The following MTMR3 variants were observed in gnomAD, a reference collection of about 807,000 sequenced individuals.
MTMR3 encodes myotubularin related protein 3, also known as phosphatidylinositol-3,5-bisphosphate 3-phosphatase MTMR3.
Under a neutral mutation model 132.4 loss-of-function variants are expected in MTMR3, and 32 were observed. The ratio of observed to expected loss-of-function variants is 0.24; its 90% CI spans 0.18 to 0.32. The LOEUF is 0.32. Ranked by LOEUF, MTMR3 falls within the 10% of genes least tolerant of loss-of-function variation. The pLI, the probability that MTMR3 is intolerant of heterozygous loss-of-function variation, is 1.00. For missense variants in MTMR3, 1,216 were observed against 1,489.6 expected, an observed-to-expected ratio of 0.82 and a Z score of 3.02; for synonymous variants, 556 against 550.3, an observed-to-expected ratio of 1.01 and a Z score of -0.14.
In MTMR3 at chr22:30,020,786, G is replaced by A. The variant is rs1569055244; in HGVS notation, c.3127G>A (p.Glu1043Lys). The A allele has an allele frequency of 6.2e-7, 1 of 1,614,080 alleles. No homozygotes were observed. ...TGAGTCAGGCCACCAGCAGGAAGTA[G>A]AAACTTTGAAGAAACAAGTCCAGGA... Reference protein sequence around the residue: ...QIESGHQQEVETLKKQVQELK... With the variant: ...QIESGHQQEVKTLKKQVQELK... The change falls in exon 17 of 20, where the codon GAA (glutamate) becomes AAA (lysine). Residue 1043 changes from glutamate to lysine, a missense_variant. Physicochemically the swap from Glu to Lys is moderately conservative, Grantham distance 56. This residue lies in a region of MTMR3 where 852 missense variants were observed against 852.0 expected (regional missense o/e 1.00). Transcript: ENST00000401950.
At chr22:29,895,463 G>T (rs1364360732) in intron 1 of MTMR3, among the ~76,000 whole-genome samples, 1 of 152,186 alleles carries the variant, frequency 6.6e-6, no homozygotes, top group Non-Finnish European at 1.5e-5. Context: ...CATCCTGCTG[G>T]TTGTGGAAGC....
intron 1 of MTMR3, among the ~76,000 whole-genome samples, chr22:29,937,821 G>A (rs560614247): frequency 6.6e-6 from 1 of 152,100 alleles, no homozygotes; most frequent in Non-Finnish European, 1.5e-5. Flanking sequence ...AAATGATGGA[G>A]CAAACTTTCA....
chr22:29,958,672 C>T (rs561368193), intron 2 of MTMR3, among the ~76,000 whole-genome samples: 1 of 152,262 alleles, frequency 6.6e-6, no homozygotes, highest in Admixed American at 6.5e-5. Context: ...CTGCTTTTTG[C>T]ATTACCATGG....
intron 6 of MTMR3, chr22:29,989,196 G>T (rs73398664): frequency 0.032 from 4,943 of 152,318 alleles, 282 homozygotes; most frequent in African/African-American, 0.11. Context: ...TGACTCTGTA[G>T]CCTTCTTTAA....
chr22:29,989,948 A>AG (rs1281569189), intron 6 of MTMR3: 2 of 152,206 alleles, frequency 1.3e-5, no homozygotes, highest in Non-Finnish European at 2.9e-5. Context: ...TAATGGTTGC[A>AG]GGCTGGGTGT....
chr22:30,011,398 T>C (rs557464585), intron 12 of MTMR3: 2 of 149,648 alleles, frequency 1.3e-5, no homozygotes, highest in South Asian at 4.1e-4. Context: ...AGTCTCTCTC[T>C]CTCATCCATG....
chr22:29,978,437 T>G lies in MTMR3; in HGVS notation c.4-5T>G. ...AAATTATTTTAAGGTTTTGGACTTTTCCAGGATGAAGAGACTCGGCACAGC... is the reference window on the plus strand; with the variant it reads ...AAATTATTTTAAGGTTTTGGACTTTGCCAGGATGAAGAGACTCGGCACAGC... On this transcript the variant is annotated splice_region_variant and splice_polypyrimidine_tract_variant and intron_variant, in intron 3 of 19. Transcript: ENST00000401950. 1 of 1,607,228 alleles carries G rather than the reference T, an allele frequency of 6.2e-7. No individual in the cohort carries two copies. Among genetic ancestry groups the G allele is most frequent in the Non-Finnish European group, 8.5e-7 (1 of 1,175,720 alleles).
intron 1 of MTMR3, among the ~76,000 whole-genome samples, chr22:29,904,044 TG>T (rs996813939): frequency 1.3e-5 from 2 of 152,206 alleles, no homozygotes; most frequent in Non-Finnish European, 2.9e-5. Context: ...GGTTAACCGT[TG>T]GTCTTCTATA....
intron 18 of MTMR3, 165 bp from the exon 19 acceptor site, chr22:30,022,444 A>T: frequency 1.5e-6 from 1 of 654,114 alleles, no homozygotes. Context: ...CCCTCCAGGG[A>T]AACGATTTGG....
At chr22:30,017,758 G>A (rs1318833785) in intron 15 of MTMR3, 169 bp from the exon 16 acceptor site, 5 of 715,642 alleles carry the variant, frequency 7.0e-6, no homozygotes, top group South Asian at 2.0e-5. Context: ...GTCTAGTCCT[G>A]TATTGGTCCT....
chr22:29,928,514 A>G (rs2065572131), intron 1 of MTMR3, among the ~76,000 whole-genome samples: 1 of 151,780 alleles, frequency 6.6e-6, no homozygotes, highest in South Asian at 2.1e-4. Flanking sequence ...GCCCTTATGT[A>G]TGTATGTACC....
At chr22:29,935,143 T>C (rs367715533) in intron 1 of MTMR3, among the ~76,000 whole-genome samples, 1 of 152,342 alleles carries the variant, frequency 6.6e-6, no homozygotes, top group East Asian at 1.9e-4. Flanking sequence ...TCAGGGGAGA[T>C]AATTCTATTT....
At chr22:29,928,124 C>T (rs1388778500) in intron 1 of MTMR3, among the ~76,000 whole-genome samples, 7 of 150,660 alleles carry the variant, frequency 4.6e-5, no homozygotes, top group Non-Finnish European at 1.0e-4. Flanking sequence ...TTTTTAATCC[C>T]GTTCTTTTCT....
rs1160172293 is a variant in MTMR3 at position 30,008,048 on chromosome 22, C to T, written c.1009+16C>T. The T allele has an allele frequency of 6.2e-7, 1 of 1,610,440 alleles. No individual in the cohort carries two copies. Among genetic ancestry groups the T allele is most frequent in the Non-Finnish European group, 8.5e-7 (1 of 1,178,518 alleles). On this transcript the variant is annotated intron_variant, in intron 11 of 19. Transcript: ENST00000401950. ...GAATGCCCAGGTGAGGTGTATGGTG[C>T]TTTGTTCCCCATACTTTCTCCTTGT...
intron 2 of MTMR3, among the ~76,000 whole-genome samples, chr22:29,958,117 G>T (rs1030382359): frequency 2.0e-5 from 3 of 152,092 alleles, no homozygotes; most frequent in Admixed American, 6.6e-5. Context: ...GAATTTTAAT[G>T]AGAAAAACAA....
intron 19 of MTMR3, chr22:30,025,203 G>T (rs2067883721): frequency 5.8e-6 from 1 of 171,190 alleles, no homozygotes; most frequent in African/African-American, 2.4e-5. Flanking sequence ...CCCCAGTGAG[G>T]CTGGGTAGTT....
intron 1 of MTMR3, among the ~76,000 whole-genome samples, chr22:29,941,967 AG>A (rs747804104): frequency 7.9e-5 from 12 of 152,138 alleles, no homozygotes; most frequent in Non-Finnish European, 1.2e-4. Flanking sequence ...TAGGCAACAG[AG>A]TGAGATGCCA....
At chr22:29,904,539 C>T (rs751451630) in intron 1 of MTMR3, among the ~76,000 whole-genome samples, 1 of 152,154 alleles carries the variant, frequency 6.6e-6, no homozygotes, top group Non-Finnish European at 1.5e-5. Context: ...ATGGGGCTAA[C>T]AATAATACCT....
At chr22:29,986,793 A>G (rs184167863) in intron 5 of MTMR3, 309 of 170,120 alleles carry the variant, frequency 1.8e-3, no homozygotes, top group African/African-American at 7.0e-3. Context: ...CCTCTGGAGT[A>G]GCTGGGATTA....
Sources: allele counts gnomAD v4.1 joint callset (sites outside exome capture counted in the v4.1 genomes callset), GRCh38; gene constraint gnomAD v4.1.1; regional missense constraint gnomAD v4.1.1; transcripts MANE v1.5; gene names NCBI Gene and HGNC (gene_info 2026-07-23, HGNC 2026-07-21).